GRAMD1C: variants seen among roughly 807,000 people sequenced by gnomAD.
GRAMD1C encodes the protein protein Aster-C.
Under a neutral mutation model 97.8 loss-of-function variants are expected in GRAMD1C, and 89 were observed. The observed-to-expected ratio is 0.91, with a 90% CI of 0.77 to 1.09. GRAMD1C has a LOEUF of 1.09. GRAMD1C is among the 50% of genes least tolerant of loss of function. GRAMD1C has a pLI of 0.00. For missense variants in GRAMD1C, 740 were observed against 766.4 expected (o/e 0.97, Z 0.41); for synonymous variants, 256 against 267.0 (o/e 0.96, Z 0.40).
At chr3:113,834,771 T>TAA (rs776577187), upstream of GRAMD1C, among the ~76,000 whole-genome samples, 48 of 119,922 alleles carry the variant, frequency 4.0e-4, no homozygotes, top group South Asian at 1.9e-3. Context: ...CTGTCTCTAC[T>TAA]AAAAAAAAAA....
intron 3 of GRAMD1C, among the ~76,000 whole-genome samples, chr3:113,874,520 T>A (rs960103479): frequency 2.6e-5 from 4 of 152,138 alleles, no homozygotes; most frequent in Admixed American, 6.5e-5. Context: ...AATTTTTGTA[T>A]TTTTAGTAGA....
At chr3:113,833,678 G>T (rs1709593182) in intron 1 of GRAMD1C, among the ~76,000 whole-genome samples, 1 of 152,204 alleles carries the variant, frequency 6.6e-6, no homozygotes, top group Non-Finnish European at 1.5e-5. Context: ...CTATTGTAGA[G>T]TAGGGGATGG....
upstream of GRAMD1C, among the ~76,000 whole-genome samples, chr3:113,834,888 T>C (rs111623358): frequency 0.018 from 2,613 of 149,284 alleles, 70 homozygotes; most frequent in African/African-American, 0.059. Context: ...TGCAGTGAAC[T>C]GAGGTCGTGC....
chr3:113,934,118 T>C (rs1011051034), intron 12 of GRAMD1C, among the ~76,000 whole-genome samples: 1 of 152,170 alleles, frequency 6.6e-6, no homozygotes, highest in Non-Finnish European at 1.5e-5. Flanking sequence ...CCACTAGAGA[T>C]TTTTTATACA....
At chr3:113,843,848 T>G (rs1933488162) in intron 1 of GRAMD1C, among the ~76,000 whole-genome samples, 1 of 152,230 alleles carries the variant, frequency 6.6e-6, no homozygotes, top group Non-Finnish European at 1.5e-5. Context: ...TGAGGTTATT[T>G]CCACTTTCAT....
chr3:113,838,414 A>C (rs1479790685), upstream of GRAMD1C: 1 of 152,854 alleles, frequency 6.5e-6, no homozygotes, highest in African/African-American at 2.4e-5. Context: ...TCTACTAAAA[A>C]TACAAAAATT....
chr3:113,933,067 G>C (rs1937499631), intron 11 of GRAMD1C, among the ~76,000 whole-genome samples: 1 of 151,584 alleles, frequency 6.6e-6, no homozygotes, highest in Non-Finnish European at 1.5e-5. Context: ...GTATTTTTAA[G>C]AGAGACGAAG....
At chr3:113,907,820 T>TAA (rs1936424021) in intron 8 of GRAMD1C, among the ~76,000 whole-genome samples, 1 of 152,148 alleles carries the variant, frequency 6.6e-6, no homozygotes, top group Non-Finnish European at 1.5e-5. Context: ...AAATAGAACT[T>TAA]AATTTGCAAC....
At chr3:113,909,573 T>G (rs1936491666) in intron 9 of GRAMD1C, among the ~76,000 whole-genome samples, 1 of 152,212 alleles carries the variant, frequency 6.6e-6, no homozygotes, top group Non-Finnish European at 1.5e-5. Context: ...CAGTTTTCTT[T>G]TTACTTTACT....
At chr3:113,929,432 C>T (rs1241823126) in intron 10 of GRAMD1C, among the ~76,000 whole-genome samples, 1 of 152,176 alleles carries the variant, frequency 6.6e-6, no homozygotes, top group African/African-American at 2.4e-5. Flanking sequence ...ACAAGGGTAA[C>T]ATTCATGGGA....
intron 10 of GRAMD1C, among the ~76,000 whole-genome samples, chr3:113,920,786 A>G (rs1347366781): frequency 6.6e-6 from 1 of 152,058 alleles, no homozygotes; most frequent in Non-Finnish European, 1.5e-5. Context: ...CAGGTGATCC[A>G]CCTGCCTCGG....
chr3:113,935,300 G>A (rs2107374129), intron 13 of GRAMD1C, among the ~76,000 whole-genome samples: 1 of 152,172 alleles, frequency 6.6e-6, no homozygotes, highest in African/African-American at 2.4e-5. Context: ...CACCTGTGCT[G>A]TCTAAGCTCT....
At position 113,946,568 on chromosome 3, in the gene GRAMD1C, A is replaced by G. The variant is rs1306279759; in HGVS notation, c.*1090A>G. ...ATTAAAATAAGAACTTTGTAAACTG[A>G]CTTAAAATCAGATATTTTTTCAAGA... On this transcript the variant is annotated 3_prime_UTR_variant, in exon 18 of 18. Transcript: ENST00000358160. The G allele has an allele frequency of 2.0e-5, 3 of 152,238 alleles. No homozygotes were observed. The highest frequency in any genetic ancestry group is 2.9e-5 in the Non-Finnish European group (2 of 68,042). 9.4% of individuals were successfully genotyped at this position (152,238 alleles called of 1,614,324 possible). A position where few individuals can be genotyped will look rare whatever the true frequency, so the allele number is the denominator to read the frequency against.
At chr3:113,832,039 G>GTGTTTTTTTTTTT (rs1553713219) in intron 1 of GRAMD1C, among the ~76,000 whole-genome samples, 1 of 149,418 alleles carries the variant, frequency 6.7e-6, no homozygotes, top group African/African-American at 2.5e-5. Flanking sequence ...CAGCAACTTT[G>GTGTTTTTTTTTTT]TTTTTTTTGA....
intron 8 of GRAMD1C, among the ~76,000 whole-genome samples, chr3:113,904,642 AG>A (rs551842857): frequency 4.9e-4 from 74 of 152,010 alleles, no homozygotes; most frequent in African/African-American, 1.7e-3. Flanking sequence ...CTTTCACAGA[AG>A]GGAACAGCAT....
chr3:113,857,392 T>A (rs78203838), intron 2 of GRAMD1C, among the ~76,000 whole-genome samples: 9 of 151,336 alleles, frequency 5.9e-5, no homozygotes, highest in African/African-American at 2.2e-4. Flanking sequence ...TTTTTTTTTT[T>A]TGAGACGGAG....
intron 5 of GRAMD1C, among the ~76,000 whole-genome samples, chr3:113,879,855 G>A (rs558858872): frequency 6.6e-6 from 1 of 151,822 alleles, no homozygotes; most frequent in Non-Finnish European, 1.5e-5. Flanking sequence ...CACCATGCCC[G>A]GCTAATTTTT....
intron 17 of GRAMD1C, among the ~76,000 whole-genome samples, chr3:113,941,672 G>A (rs1937787526): frequency 6.8e-6 from 1 of 148,102 alleles, no homozygotes; most frequent in South Asian, 2.1e-4. Flanking sequence ...AGTCTGGAGT[G>A]CAGTGGCACA....
rs957844866 is a variant in GRAMD1C, at chr3:113,832,102, T to G, written n.98+3823T>G. 2.6e-5 allele frequency among the ~76,000 whole-genome samples: 4 copies of G among 152,056 alleles called. 1 individual carries two copies. Among genetic ancestry groups the G allele is most frequent in the African/African-American group, 9.7e-5 (4 of 41,338 alleles). ...TGGAGTGCAGTGTGCAGTGGTGTGATCTCGATTCATTGCAGCCTCCATTTC... is the reference window on the plus strand; with the variant it reads ...TGGAGTGCAGTGTGCAGTGGTGTGAGCTCGATTCATTGCAGCCTCCATTTC... On this transcript the variant is annotated intron_variant and non_coding_transcript_variant, in intron 1 of 18. Transcript: ENST00000479212.
Sources: gnomAD v4.1 joint callset for allele counts (sites outside exome capture counted in the v4.1 genomes callset) on GRCh38, gnomAD v4.1.1 for gene constraint, MANE v1.5 for transcripts, NCBI Gene and HGNC (gene_info 2026-07-23, HGNC 2026-07-21) for gene names.